The following DZANK1 variants were observed in gnomAD, a reference collection of about 807,000 sequenced individuals.
DZANK1 encodes double zinc ribbon and ankyrin repeat domains 1.
DZANK1 carries 91 observed loss-of-function variants against 94.5 expected under a neutral mutation model. The observed-to-expected ratio is 0.96, with a 90% CI of 0.81 to 1.15. DZANK1 has a LOEUF of 1.15. Ranked by LOEUF, DZANK1 falls within the 50% of genes most tolerant of loss-of-function variation. The pLI is 0.00. For synonymous variants in DZANK1, 312 were observed against 325.3 expected (o/e 0.96, Z 0.44); for missense variants, 903 against 916.4 (o/e 0.99, Z 0.19).
intron 6 of DZANK1, among the ~76,000 whole-genome samples, chr20:18,450,135 T>C (rs995905952): frequency 1.3e-5 from 2 of 152,054 alleles, no homozygotes; most frequent in African/African-American, 4.8e-5. Flanking sequence ...CAAACTTCAG[T>C]ATCTATTTTT....
exon 13 of DZANK1, chr20:18,412,755 T>C (rs1408088979): frequency 1.9e-6 from 3 of 1,613,710 alleles, no homozygotes; most frequent in South Asian, 1.1e-5. Context: ...GCTTGCCAGA[T>C]GGGTAGAAGA....
intron 8 of DZANK1, among the ~76,000 whole-genome samples, chr20:18,440,341 T>C (rs1331846288): frequency 6.6e-6 from 1 of 152,230 alleles, no homozygotes; most frequent in Non-Finnish European, 1.5e-5. Flanking sequence ...CAAGCTGTTA[T>C]AGCCACCGCA....
At chr20:18,452,886 C>T (rs936704720) in intron 5 of DZANK1, 147 bp from the exon 6 acceptor site, 35 of 785,620 alleles carry the variant, frequency 4.5e-5, no homozygotes, top group Admixed American at 9.8e-5. Context: ...AAAGAGCTCC[C>T]GCCACACACT....
In DZANK1 at chr20:18,404,440, A is replaced by G. The variant is rs148231627; in HGVS notation, c.1433-5814T>C. 3.4e-3 allele frequency among the ~76,000 whole-genome samples: 525 copies of G among 152,332 alleles called. 6 individuals carry two copies. The highest frequency in any genetic ancestry group is 0.012 in the African/African-American group (504 of 41,568). ...CCAAGGCTACACTCTCCATGGAGTC[A>G]CATCAGAAGCTTCATACTGTGGGGG... On this transcript the variant is annotated intron_variant, in intron 13 of 20. Coordinates refer to ENST00000262547, the Ensembl canonical transcript of DZANK1.
chr20:18,428,363 A>AT (rs966146873), intron 9 of DZANK1, among the ~76,000 whole-genome samples: 21 of 151,532 alleles, frequency 1.4e-4, no homozygotes, highest in Non-Finnish European at 2.7e-4. Context: ...TAATTTTTGT[A>AT]TTTTTAGTAG....
At chr20:18,449,131 T>C in intron 6 of DZANK1, 62 bp from the exon 7 acceptor site, 1 of 1,343,448 alleles carries the variant, frequency 7.4e-7, no homozygotes, top group Non-Finnish European at 1.1e-6. Flanking sequence ...TGGTAAAGGC[T>C]ATGGTATAGT....
chr20:18,385,477 G>A (rs2048427526), intron 19 of DZANK1, among the ~76,000 whole-genome samples: 1 of 151,842 alleles, frequency 6.6e-6, no homozygotes, highest in Non-Finnish European at 1.5e-5. Context: ...GTGCAGTGGT[G>A]TGATCTCGGC....
At chr20:18,415,547 C>A (rs1380125571) in intron 10 of DZANK1, 98 bp from the exon 11 acceptor site, 10 of 1,254,138 alleles carry the variant, frequency 8.0e-6, no homozygotes, top group Non-Finnish European at 1.0e-5. Flanking sequence ...ACAAGATGAG[C>A]CCCGGAAATA....
Position 18,455,232 on chromosome 20 carries a change from A to T in DZANK1, c.378+15T>A. 6.4e-7 allele frequency: 1 copy of T among 1,568,192 alleles called. No homozygotes were observed. Among genetic ancestry groups the T allele is most frequent in the South Asian group, 1.2e-5 (1 of 86,168 alleles). On this transcript the variant is annotated intron_variant, in intron 4 of 20. Coordinates refer to ENST00000262547, the Ensembl canonical transcript of DZANK1. ...TACAGTGACAATCTGAATGGATTAT[A>T]GTTTCATTACTTGCCTGCCTTGAAG...
chr20:18,413,998 A>G (rs1262117758), intron 12 of DZANK1, among the ~76,000 whole-genome samples: 1 of 152,216 alleles, frequency 6.6e-6, no homozygotes, highest in Non-Finnish European at 1.5e-5. Context: ...ATTTGTCCTC[A>G]AACTATGCCC....
intron 12 of DZANK1, 149 bp from the exon 13 acceptor site, chr20:18,413,002 T>C: frequency 1.4e-6 from 1 of 718,104 alleles, no homozygotes; most frequent in Non-Finnish European, 2.3e-6. Context: ...CTTTGCCTCA[T>C]CTTCCTTGCT....
At chr20:18,425,532 CAG>C (rs915420229) in intron 10 of DZANK1, among the ~76,000 whole-genome samples, 2 of 148,734 alleles carry the variant, frequency 1.3e-5, no homozygotes, top group Admixed American at 1.4e-4. Flanking sequence ...GCCTGGGTGA[CAG>C]AGTGAGACTC....
At chr20:18,438,232 AAAAAAAAGAAATAACAC>A (rs2058601983) in intron 8 of DZANK1, among the ~76,000 whole-genome samples, 1 of 124,222 alleles carries the variant, frequency 8.1e-6, no homozygotes, top group Non-Finnish European at 1.9e-5. Context: ...AAAAAAAAAA[AAAAAAAAGAAATAACAC>A]AAAAGAAAGC....
chr20:18,460,586 G>T (rs7345400), intron 2 of DZANK1, among the ~76,000 whole-genome samples: 1 of 151,894 alleles, frequency 6.6e-6, no homozygotes, highest in African/African-American at 2.4e-5. Flanking sequence ...AAAATTAGCC[G>T]GGCGTGGTGG....
intron 10 of DZANK1, among the ~76,000 whole-genome samples, chr20:18,419,658 T>C (rs561162763): frequency 6.6e-6 from 1 of 152,246 alleles, no homozygotes; most frequent in African/African-American, 2.4e-5. Context: ...AGAAAATAAC[T>C]GTCAGCCCAG....
At chr20:18,431,481 C>T (rs921443592) in intron 9 of DZANK1, among the ~76,000 whole-genome samples, 4 of 152,234 alleles carry the variant, frequency 2.6e-5, no homozygotes, top group Non-Finnish European at 4.4e-5. Context: ...TTCCCACCAA[C>T]TTCAGAGGTG....
chr20:18,443,257 G>T, intron 8 of DZANK1, 90 bp downstream of exon 8: 1 of 847,960 alleles, frequency 1.2e-6, no homozygotes, highest in Non-Finnish European at 1.9e-6. Context: ...ATTTATATGT[G>T]CAGTTCATGT....
Position 18,422,549 on chromosome 20 carries a change from C to T in DZANK1, c.954+4518G>A, listed in dbSNP as rs182697135. Among the ~76,000 whole-genome samples the T allele has an allele frequency of 2.4e-3, 368 of 152,276 alleles. 5 individuals carry two copies. The highest frequency in any genetic ancestry group is 0.02 in the Admixed American group (304 of 15,296). Reference sequence around the variant, plus strand: ...AATGCAGTCAAAACTTTGTTTCATGCACTATGTTATTTAAAATATTATATA... The same window carrying T: ...AATGCAGTCAAAACTTTGTTTCATGTACTATGTTATTTAAAATATTATATA... On this transcript the variant is annotated intron_variant, in intron 10 of 20. Coordinates refer to ENST00000262547, the Ensembl canonical transcript of DZANK1.
At chr20:18,424,939 C>T (rs1009547381) in intron 10 of DZANK1, among the ~76,000 whole-genome samples, 1 of 152,140 alleles carries the variant, frequency 6.6e-6, no homozygotes, top group African/African-American at 2.4e-5. Context: ...GGAAATGAAG[C>T]ACTCACAAAA....
Sources: gnomAD v4.1 joint callset for allele counts (sites outside exome capture counted in the v4.1 genomes callset) on GRCh38, gnomAD v4.1.1 for gene constraint, MANE v1.5 for transcripts, NCBI Gene and HGNC (gene_info 2026-07-23, HGNC 2026-07-21) for gene names.